CSMD2: variants seen among roughly 807,000 people sequenced by gnomAD.
CSMD2 encodes the protein CUB and sushi domain-containing protein 2.
CSMD2 carries 130 observed loss-of-function variants against 398.5 expected under a neutral mutation model. The ratio of observed to expected loss-of-function variants is 0.33; its 90% CI spans 0.28 to 0.38. CSMD2 has a LOEUF of 0.38. Among genes scored for constraint, CSMD2 ranks in the 10% least tolerant of loss-of-function variants. CSMD2 has a pLI of 1.00. For synonymous variants in CSMD2, 1,828 were observed against 1,908.5 expected, an observed-to-expected ratio of 0.96 and a Z score of 1.10; for missense variants, 3,829 against 4,764.9, an observed-to-expected ratio of 0.80 and a Z score of 5.78.
intron 2 of CSMD2, among the ~76,000 whole-genome samples, chr1:34,055,260 T>C (rs991471033): frequency 2.0e-5 from 3 of 152,200 alleles, no homozygotes; most frequent in Non-Finnish European, 2.9e-5. Context: ...ACAGAATACT[T>C]CTGTAACCAA....
chr1:33,673,336 C>T lies in CSMD2; in HGVS notation c.4053-10244G>A, dbSNP rs146805407. On this transcript the variant is annotated intron_variant, in intron 25 of 70. Coordinates refer to ENST00000373381, the MANE Select transcript of CSMD2 (RefSeq NM_001281956.2). ...AATGCACAAGCCTCAGTAGCTGATGCGTTCAACTGTAAGAAAGGGTATCAG... is the reference window on the plus strand; with the variant it reads ...AATGCACAAGCCTCAGTAGCTGATGTGTTCAACTGTAAGAAAGGGTATCAG... Among the ~76,000 whole-genome samples the T allele has an allele frequency of 3.8e-3, 575 of 152,168 alleles. 1 individual carries two copies. The highest frequency in any genetic ancestry group is 0.013 in the African/African-American group (547 of 41,498).
At chr1:33,876,414 A>G (rs1640845451) in intron 5 of CSMD2, among the ~76,000 whole-genome samples, 1 of 152,230 alleles carries the variant, frequency 6.6e-6, no homozygotes, top group Admixed American at 6.5e-5. Context: ...GTATAATGGC[A>G]ACACCAAAAG....
chr1:33,759,318 T>C (rs924047139), intron 13 of CSMD2, among the ~76,000 whole-genome samples: 1 of 127,076 alleles, frequency 7.9e-6, no homozygotes, highest in Non-Finnish European at 1.6e-5. Flanking sequence ...TCTTTTCTTT[T>C]TTTTTCTTTT....
At chr1:34,089,273 G>T in intron 1 of CSMD2, 80 bp from the exon 2 acceptor site, 1 of 1,354,234 alleles carries the variant, frequency 7.4e-7, no homozygotes, top group Non-Finnish European at 1.0e-6. Flanking sequence ...CAATGTGTTA[G>T]CAAATCATGA....
At chr1:34,082,438 C>A (rs564667760) in intron 2 of CSMD2, among the ~76,000 whole-genome samples, 6 of 151,926 alleles carry the variant, frequency 3.9e-5, no homozygotes, top group African/African-American at 1.2e-4. Context: ...GCCTGGCAGC[C>A]GCCCCATCTG....
chr1:33,982,420 T>C (rs1406449796), intron 3 of CSMD2, among the ~76,000 whole-genome samples: 1 of 152,170 alleles, frequency 6.6e-6, no homozygotes, highest in Non-Finnish European at 1.5e-5. Flanking sequence ...AGTTTGTCCT[T>C]GAGAAAGCCA....
At chr1:33,766,347 G>C (rs965504512) in intron 13 of CSMD2, among the ~76,000 whole-genome samples, 1 of 152,096 alleles carries the variant, frequency 6.6e-6, no homozygotes, top group South Asian at 2.1e-4. Context: ...CATTCTAACA[G>C]AGAAGATGTC....
intron 26 of CSMD2, among the ~76,000 whole-genome samples, chr1:33,659,706 A>T (rs909554619): frequency 5.3e-5 from 8 of 152,224 alleles, no homozygotes; most frequent in Non-Finnish European, 1.2e-4. Context: ...GAGAAGCGGC[A>T]GCCTAGGGCA....
Position 33,586,599 on chromosome 1 carries a change from C to T in CSMD2, c.6956G>A (p.Arg2319Lys). The change falls in exon 46 of 71, where the codon AGA (arginine) becomes AAA (lysine). Residue 2319 changes from arginine (R) to lysine (K), a missense_variant. Coordinates refer to ENST00000373381, the MANE Select transcript of CSMD2 (RefSeq NM_001281956.2). ...EFNIGDIVRY[R>K]CLPGFTLVGN... ...CACTAAGGTAAAGCCAGGGAGGCAT[C>T]TGTAGCGTACGATGTCACCTGTCAA... 2 of 1,612,846 alleles carry T rather than the reference C, an allele frequency of 1.2e-6. No individual in the cohort carries two copies. Among genetic ancestry groups the T allele is most frequent in the South Asian group, 1.1e-5 (1 of 91,040 alleles).
chr1:34,070,700 C>G (rs370259162), intron 2 of CSMD2, among the ~76,000 whole-genome samples: 9 of 152,238 alleles, frequency 5.9e-5, no homozygotes, highest in Middle Eastern at 6.8e-3. Flanking sequence ...CCCCCACCCC[C>G]ACCCTTGCAG....
At chr1:33,664,442 T>A (rs886160101) in intron 25 of CSMD2, among the ~76,000 whole-genome samples, 2 of 152,194 alleles carry the variant, frequency 1.3e-5, no homozygotes, top group African/African-American at 4.8e-5. Context: ...TTATGTAGCT[T>A]TGTGCATTTC....
At chr1:34,084,958 T>C (rs1173883109) in intron 2 of CSMD2, among the ~76,000 whole-genome samples, 1 of 152,170 alleles carries the variant, frequency 6.6e-6, no homozygotes, top group Non-Finnish European at 1.5e-5. Context: ...CTATTCATAA[T>C]AGCAAAGACT....
intron 21 of CSMD2, among the ~76,000 whole-genome samples, chr1:33,712,436 A>G (rs1646023920): frequency 1.3e-5 from 2 of 152,228 alleles, no homozygotes; most frequent in East Asian, 3.8e-4. Flanking sequence ...TTGCATGGCG[A>G]CTGGGAGCAG....
At chr1:33,628,421 C>T (rs909296592) in intron 32 of CSMD2, among the ~76,000 whole-genome samples, 1 of 152,124 alleles carries the variant, frequency 6.6e-6, no homozygotes, top group Non-Finnish European at 1.5e-5. Context: ...GTGATCCCAA[C>T]ACTTTGGGAG....
chr1:34,127,821 C>CT (rs1047352729), intron 1 of CSMD2, among the ~76,000 whole-genome samples: 1 of 151,814 alleles, frequency 6.6e-6, no homozygotes, highest in Admixed American at 6.6e-5. Context: ...ACTGAGGGTC[C>CT]TAGTGGGACA....
intron 14 of CSMD2, among the ~76,000 whole-genome samples, chr1:33,742,586 C>T (rs866346995): frequency 4.2e-5 from 6 of 141,504 alleles, no homozygotes; most frequent in South Asian, 2.5e-4. Context: ...TGCCCCCCCC[C>T]CCCCAACCCC....
intron 7 of CSMD2, among the ~76,000 whole-genome samples, chr1:33,824,396 C>T (rs79744319): frequency 6.6e-6 from 1 of 152,194 alleles, no homozygotes; most frequent in Non-Finnish European, 1.5e-5. Context: ...GCCATCCAGT[C>T]CCTGAGGGTG....
intron 7 of CSMD2, among the ~76,000 whole-genome samples, chr1:33,823,531 A>T (rs4652976): frequency 6.6e-6 from 1 of 152,142 alleles, no homozygotes; most frequent in Non-Finnish European, 1.5e-5. Flanking sequence ...CCACTATGGC[A>T]AGGGAGAAGC....
At chr1:33,837,140 G>A (rs553060439) in intron 6 of CSMD2, among the ~76,000 whole-genome samples, 1 of 152,166 alleles carries the variant, frequency 6.6e-6, no homozygotes, top group East Asian at 1.9e-4. Context: ...CAGGTGGGTG[G>A]GGTGATGAGT....
Sources: allele counts gnomAD v4.1 joint callset (sites outside exome capture counted in the v4.1 genomes callset), GRCh38; gene constraint gnomAD v4.1.1; transcripts MANE v1.5; gene names NCBI Gene and HGNC (gene_info 2026-07-23, HGNC 2026-07-21).